Variants in SNTG1 observed in about 807,000 individuals in gnomAD.
SNTG1 encodes gamma-1-syntrophin.
Under a neutral mutation model 74.7 loss-of-function variants are expected in SNTG1, and 39 were observed. The observed-to-expected ratio is 0.52, with a 90% CI of 0.40 to 0.68. SNTG1 has a LOEUF of 0.68. Among genes scored for constraint, SNTG1 ranks in the 30% least tolerant of loss-of-function variants. The pLI, the probability that SNTG1 is intolerant of heterozygous loss-of-function variation, is 0.00. For missense variants in SNTG1, 685 were observed against 609.5 expected, an observed-to-expected ratio of 1.12 and a Z score of -1.30; for synonymous variants, 254 against 217.1, an observed-to-expected ratio of 1.17 and a Z score of -1.49.
intron 1 of SNTG1, among the ~76,000 whole-genome samples, chr8:50,020,506 T>G (rs1585923796): frequency 1.3e-5 from 2 of 152,220 alleles, no homozygotes; most frequent in East Asian, 3.9e-4. Context: ...AAAGTTTCAA[T>G]TGCATTCTCT....
intron 12 of SNTG1, among the ~76,000 whole-genome samples, chr8:50,561,080 A>G (rs2094485178): frequency 6.6e-6 from 1 of 152,094 alleles, no homozygotes; most frequent in African/African-American, 2.4e-5. Context: ...CCCATGTGTC[A>G]GAGGAGGGAC....
intron 1 of SNTG1, among the ~76,000 whole-genome samples, chr8:50,000,762 A>T (rs1376415655): frequency 6.6e-6 from 1 of 152,222 alleles, no homozygotes; most frequent in Non-Finnish European, 1.5e-5. Flanking sequence ...CCTGCTAGTT[A>T]CTTAATGTAC....
At chr8:50,312,387 T>A (rs2090148432) in intron 2 of SNTG1, among the ~76,000 whole-genome samples, 1 of 152,232 alleles carries the variant, frequency 6.6e-6, no homozygotes, top group African/African-American at 2.4e-5. Context: ...TCTCCAATAA[T>A]CTTGATATGA....
intron 15 of SNTG1, among the ~76,000 whole-genome samples, chr8:50,688,706 G>A (rs1585535515): frequency 6.6e-6 from 1 of 152,240 alleles, no homozygotes; most frequent in South Asian, 2.1e-4. Flanking sequence ...CTCCAGCTTT[G>A]TTCTTTTGGC....
In SNTG1 at chr8:50,384,074, T is replaced by C. The variant is rs573475360; in HGVS notation, c.-27-10138T>C. ...AGAGTAATACTGAGAGGCACTACCC[T>C]CATTTCCTAAACTCATGAATTCTGG... On this transcript the variant is annotated intron_variant, in intron 2 of 18. Coordinates refer to ENST00000642720, the MANE Select transcript of SNTG1 (RefSeq NM_018967.5). Among the ~76,000 whole-genome samples the C allele has an allele frequency of 7.9e-5, 12 of 152,308 alleles. No individual in the cohort carries two copies. The South Asian group carries it at 2.5e-3, about 32-fold the overall frequency.
chr8:50,090,553 C>G (rs1311485163), intron 1 of SNTG1, among the ~76,000 whole-genome samples: 1 of 152,144 alleles, frequency 6.6e-6, no homozygotes. Context: ...CAGCTCAGGT[C>G]AAGGTCTATA....
At chr8:50,281,351 A>T (rs763352576) in intron 2 of SNTG1, among the ~76,000 whole-genome samples, 52 of 152,288 alleles carry the variant, frequency 3.4e-4, no homozygotes, top group Non-Finnish European at 6.8e-4. Flanking sequence ...GTTTCTTTGG[A>T]ATCCCCTTGG....
At chr8:50,248,171 C>A (rs962331001) in intron 2 of SNTG1, among the ~76,000 whole-genome samples, 7 of 152,142 alleles carry the variant, frequency 4.6e-5, no homozygotes, top group Non-Finnish European at 8.8e-5. Context: ...TCCATATAAG[C>A]TCAGATTCTA....
chr8:50,419,543 C>T (rs552120081), intron 4 of SNTG1, among the ~76,000 whole-genome samples: 21 of 152,230 alleles, frequency 1.4e-4, no homozygotes, highest in African/African-American at 4.3e-4. Context: ...AAGAAGCCAT[C>T]GCAAACAATG....
At chr8:50,599,444 CT>C (rs1348455608) in intron 13 of SNTG1, among the ~76,000 whole-genome samples, 1 of 152,002 alleles carries the variant, frequency 6.6e-6, no homozygotes, top group Admixed American at 6.6e-5. Context: ...CTGTAGATTG[CT>C]TTGGGTAGTA....
At chr8:50,140,710 T>C (rs2081627401) in intron 1 of SNTG1, among the ~76,000 whole-genome samples, 1 of 152,140 alleles carries the variant, frequency 6.6e-6, no homozygotes, top group Non-Finnish European at 1.5e-5. Flanking sequence ...CACTTGTCTT[T>C]CATTTTAAAT....
intron 2 of SNTG1, among the ~76,000 whole-genome samples, chr8:50,277,602 A>T (rs1180076545): frequency 6.6e-6 from 1 of 152,186 alleles, no homozygotes; most frequent in Non-Finnish European, 1.5e-5. Flanking sequence ...ATTGTGTGAT[A>T]TGATCTTACA....
At chr8:50,173,137 T>C (rs2082870960) in intron 2 of SNTG1, among the ~76,000 whole-genome samples, 1 of 152,080 alleles carries the variant, frequency 6.6e-6, no homozygotes, top group Admixed American at 6.6e-5. Flanking sequence ...CTTTTGTTTG[T>C]TCAGAGGAAG....
intron 1 of SNTG1, among the ~76,000 whole-genome samples, chr8:50,145,358 C>A (rs1305883300): frequency 6.6e-6 from 1 of 152,092 alleles, no homozygotes; most frequent in Non-Finnish European, 1.5e-5. Flanking sequence ...TTGCTTGCTT[C>A]TTTGCAGAGG....
At chr8:50,284,446 T>C (rs1290160923) in intron 2 of SNTG1, among the ~76,000 whole-genome samples, 1 of 152,150 alleles carries the variant, frequency 6.6e-6, no homozygotes, top group Non-Finnish European at 1.5e-5. Context: ...TCTTATTTCA[T>C]TGTTCAAATG....
At chr8:50,033,305 C>T (rs1817889066) in intron 1 of SNTG1, among the ~76,000 whole-genome samples, 1 of 151,874 alleles carries the variant, frequency 6.6e-6, no homozygotes, top group Non-Finnish European at 1.5e-5. Context: ...TGTACTTTTA[C>T]TAGAGACGGG....
intron 8 of SNTG1, among the ~76,000 whole-genome samples, chr8:50,489,597 C>T (rs1425518938): frequency 6.6e-6 from 1 of 152,106 alleles, no homozygotes; most frequent in Admixed American, 6.5e-5. Context: ...CTGTTCATAT[C>T]CTTTGCCCAC....
At chr8:50,284,774 T>C (rs960913291) in intron 2 of SNTG1, among the ~76,000 whole-genome samples, 1 of 152,158 alleles carries the variant, frequency 6.6e-6, no homozygotes, top group Admixed American at 6.6e-5. Context: ...CACTAAAAGA[T>C]GGTAAAGATG....
intron 15 of SNTG1, among the ~76,000 whole-genome samples, chr8:50,668,492 G>T (rs529830862): frequency 1.6e-4 from 20 of 125,340 alleles, no homozygotes; most frequent in Non-Finnish European, 3.3e-5. Context: ...TTCATCTTTC[G>T]CACATTATTA....
Sources: allele counts gnomAD v4.1 joint callset (sites outside exome capture counted in the v4.1 genomes callset), GRCh38; gene constraint gnomAD v4.1.1; transcripts MANE v1.5; gene names NCBI Gene and HGNC (gene_info 2026-07-23, HGNC 2026-07-21).